Variants in LRRC69 observed in about 807,000 individuals in gnomAD.
The protein encoded by LRRC69 is leucine rich repeat containing 69.
A neutral mutation model predicts 37.8 loss-of-function variants in LRRC69; 42 were observed. The ratio of observed to expected loss-of-function variants is 1.11; its 90% CI spans 0.87 to 1.44. The LOEUF is 1.44. LRRC69 is among the 40% of genes most tolerant of loss of function. The pLI is 0.00. For missense variants in LRRC69, 357 were observed against 401.9 expected (o/e 0.89, Z 0.96); for synonymous variants, 141 against 143.1 (o/e 0.99, Z 0.11).
intron 6 of LRRC69, among the ~76,000 whole-genome samples, chr8:91,197,189 G>C (rs578073728): frequency 6.6e-6 from 1 of 152,202 alleles, no homozygotes; most frequent in African/African-American, 2.4e-5. Context: ...TGAGGAGGCA[G>C]TCCGCCCATT....
intron 5 of LRRC69, among the ~76,000 whole-genome samples, chr8:91,150,206 A>G (rs1232112209): frequency 6.6e-6 from 1 of 151,924 alleles, no homozygotes; most frequent in Non-Finnish European, 1.5e-5. Flanking sequence ...ATTCAGTATG[A>G]TATTGGCTGT....
At chr8:91,126,671 A>G (rs1195560252) in intron 2 of LRRC69, among the ~76,000 whole-genome samples, 1 of 152,046 alleles carries the variant, frequency 6.6e-6, no homozygotes, top group Non-Finnish European at 1.5e-5. Flanking sequence ...GGTTATGAGT[A>G]CATAGAAAAA....
At chr8:91,115,952 A>G (rs1158878062) in intron 1 of LRRC69, among the ~76,000 whole-genome samples, 1 of 152,008 alleles carries the variant, frequency 6.6e-6, no homozygotes, top group Non-Finnish European at 1.5e-5. Context: ...CCTAACATAC[A>G]TGTCTCTTCA....
intron 5 of LRRC69, among the ~76,000 whole-genome samples, chr8:91,160,410 T>C (rs977753083): frequency 6.6e-6 from 1 of 151,102 alleles, no homozygotes; most frequent in African/African-American, 2.4e-5. Context: ...AATTACTCTC[T>C]TAGGAACTCC....
intron 1 of LRRC69, among the ~76,000 whole-genome samples, chr8:91,105,009 C>T (rs183408991): frequency 5.3e-5 from 8 of 152,088 alleles, no homozygotes; most frequent in East Asian, 1.9e-4. Flanking sequence ...GGGTAACCTA[C>T]GTGTTGACTT....
At chr8:91,203,126 GA>G in intron 7 of LRRC69, among the ~76,000 whole-genome samples, 1 of 152,198 alleles carries the variant, frequency 6.6e-6, no homozygotes, top group Middle Eastern at 3.4e-3. Context: ...CAAAATCTGG[GA>G]GCCTGAGCAA....
At chr8:91,146,171 AC>A (rs1375178779) in intron 5 of LRRC69, among the ~76,000 whole-genome samples, 2 of 151,602 alleles carry the variant, frequency 1.3e-5, no homozygotes, top group Non-Finnish European at 2.9e-5. Context: ...CATTTCACCA[AC>A]CACTATCGCT....
At chr8:91,142,589 A>G (rs941874722) in intron 5 of LRRC69, among the ~76,000 whole-genome samples, 5 of 152,038 alleles carry the variant, frequency 3.3e-5, no homozygotes, top group African/African-American at 1.2e-4. Context: ...CTTAAAACCC[A>G]GAAGGCTAGG....
At chr8:91,197,492 G>T (rs964529915) in intron 6 of LRRC69, among the ~76,000 whole-genome samples, 1 of 152,012 alleles carries the variant, frequency 6.6e-6, no homozygotes, top group Non-Finnish European at 1.5e-5. Flanking sequence ...AGCAATCAGC[G>T]AGACTCCGTG....
chr8:91,176,115 CAT>C (rs1220622429), intron 5 of LRRC69, among the ~76,000 whole-genome samples: 55 of 102,332 alleles, frequency 5.4e-4, no homozygotes, highest in African/African-American at 1.4e-3. Flanking sequence ...CACCATCCCT[CAT>C]ATATATATAT....
Position 91,138,551 on chromosome 8 carries a change from A to ATTTT in LRRC69, c.651+2822_651+2825dup, listed in dbSNP as rs34842999. Among the ~76,000 whole-genome samples, 116 of 145,970 alleles carry ATTTT rather than the reference A, an allele frequency of 7.9e-4. 1 individual carries two copies. Among genetic ancestry groups the ATTTT allele is most frequent in the East Asian group, 2.0e-3 (10 of 5,032 alleles). On this transcript the variant is annotated intron_variant, in intron 5 of 7. Transcript: ENST00000448384. ...AAAATGCAATTTTTTTCAGAGCAGT[A>ATTTT]TTTTTTTTTTTTTGAAATTCACATG... is the stretch of plus-strand genomic sequence containing the variant.
chr8:91,124,443 A>G, intron 1 of LRRC69, 50 bp from the exon 2 acceptor site: 2 of 1,397,324 alleles, frequency 1.4e-6, no homozygotes, highest in Non-Finnish European at 1.9e-6. Context: ...TCTTTTTTTC[A>G]TTTGAAGTTG....
Position 91,124,563 on chromosome 8 carries a change from TG to T in LRRC69, c.255del (p.Lys86ArgfsTer24), listed in dbSNP as rs1433564381. On this transcript the variant is annotated frameshift_variant, in exon 2 of 8. Coordinates refer to ENST00000448384, the Ensembl canonical transcript of LRRC69. LOFTEE classifies it high-confidence loss of function. The stretch of plus-strand genomic sequence containing the variant: ...GAAGAGATGAAATATCTTACATCTC[TG>T]AAGAATCTCCATTTATCTGGAAATA... 1 of 1,540,814 alleles carries T rather than the reference TG, an allele frequency of 6.5e-7. No homozygotes were observed. The highest frequency in any genetic ancestry group is 8.8e-7 in the Non-Finnish European group (1 of 1,142,580).
intron 5 of LRRC69, among the ~76,000 whole-genome samples, chr8:91,155,969 T>G (rs886805065): frequency 6.7e-6 from 1 of 150,112 alleles, no homozygotes; most frequent in East Asian, 2.0e-4. Flanking sequence ...CCTTATTCCT[T>G]AATCTTTTGC....
At chr8:91,182,115 T>G (rs1376707650) in intron 5 of LRRC69, among the ~76,000 whole-genome samples, 11 of 152,166 alleles carry the variant, frequency 7.2e-5, no homozygotes, top group African/African-American at 2.7e-4. Context: ...ATAAACATAG[T>G]TTTCTGAATT....
At position 91,165,379 on chromosome 8, in the gene LRRC69, G is replaced by A. The variant is rs1809010332; in HGVS notation, c.652-24143G>A. 2.0e-5 allele frequency among the ~76,000 whole-genome samples: 3 copies of A among 151,772 alleles called. 1 individual carries two copies. The stretch of plus-strand genomic sequence containing the variant: ...GCTGTGCAGGGGATGCCATGCAACT[G>A]AATCACAAAGGGTGACACACTAGGT... On this transcript the variant is annotated intron_variant, in intron 5 of 7. Coordinates refer to ENST00000448384, the Ensembl canonical transcript of LRRC69.
chr8:91,140,404 A>C (rs935617069), intron 5 of LRRC69, among the ~76,000 whole-genome samples: 3 of 151,950 alleles, frequency 2.0e-5, no homozygotes, highest in Non-Finnish European at 2.9e-5. Context: ...TTTTTCTGGT[A>C]ATTCATTCAT....
chr8:91,146,467 G>A (rs1808620097), intron 5 of LRRC69, among the ~76,000 whole-genome samples: 1 of 151,790 alleles, frequency 6.6e-6, no homozygotes, highest in Non-Finnish European at 1.5e-5. Flanking sequence ...ATTATAAAGA[G>A]AGTCTGATTG....
chr8:91,148,184 A>C (rs1303168432), intron 5 of LRRC69, among the ~76,000 whole-genome samples: 16 of 151,472 alleles, frequency 1.1e-4, no homozygotes, highest in Non-Finnish European at 2.4e-4. Context: ...TGCACCCATT[A>C]ACTTGTCATT....
Sources: gnomAD v4.1 joint callset for allele counts (sites outside exome capture counted in the v4.1 genomes callset) on GRCh38, gnomAD v4.1.1 for gene constraint, MANE v1.5 for transcripts, NCBI Gene and HGNC (gene_info 2026-07-23, HGNC 2026-07-21) for gene names.